ARIH1: variants seen among roughly 807,000 people sequenced by gnomAD.
The protein encoded by ARIH1 is E3 ubiquitin-protein ligase ARIH1.
In ARIH1, 8 loss-of-function variants were observed where a neutral mutation model predicts 85.0. That is an observed-to-expected ratio of 0.09 (90% CI 0.06 to 0.17). ARIH1 has a LOEUF of 0.17. Among genes scored for constraint, ARIH1 ranks in the 10% least tolerant of loss-of-function variants. The pLI is 1.00. For missense variants in ARIH1, 311 were observed against 718.1 expected (o/e 0.43, Z 6.48); for synonymous variants, 238 against 253.6 (o/e 0.94, Z 0.59).
chr15:72,474,741 G>A lies in ARIH1; in HGVS notation c.102G>A (p.Glu34=). Residue 34 remains glutamate, a synonymous_variant, in exon 1 of 14, where the codon GAG becomes GAA. Transcript: ENST00000379887. ...AGGAGGAGGACGAAGACGACGACGA[G>A]CCGGACGATGATACCCTGGATCTGG... The part of the protein sequence containing the change: ...AEEEEDEDDD[E]PDDDTLDLGE... 1 of 1,561,750 alleles carries A rather than the reference G, an allele frequency of 6.4e-7. No individual in the cohort carries two copies. Among genetic ancestry groups the A allele is most frequent in the Non-Finnish European group, 8.7e-7 (1 of 1,155,250 alleles).
chr15:72,519,563 A>C, intron 2 of ARIH1, among the ~76,000 whole-genome samples: 1 of 137,112 alleles, frequency 7.3e-6, no homozygotes. Flanking sequence ...GGCTCACTGC[A>C]ACCTCCACCT....
chr15:72,539,677 T>G (rs960660042), intron 2 of ARIH1, among the ~76,000 whole-genome samples: 5 of 152,130 alleles, frequency 3.3e-5, no homozygotes, highest in Non-Finnish European at 7.4e-5. Flanking sequence ...CCAAATGACA[T>G]TTCAAAAGAG....
intron 1 of ARIH1, among the ~76,000 whole-genome samples, chr15:72,495,214 G>GA (rs1240485538): frequency 6.6e-6 from 1 of 152,210 alleles, no homozygotes; most frequent in African/African-American, 2.4e-5. Flanking sequence ...GTCAGAGGCT[G>GA]AGTGGGGGAA....
rs2064328840 is a variant in ARIH1, at chr15:72,588,829, A to G, written c.*5537A>G. The G allele has an allele frequency of 6.6e-6, 1 of 152,228 alleles. No individual in the cohort carries two copies. Among genetic ancestry groups the G allele is most frequent in the Admixed American group, 6.5e-5 (1 of 15,288 alleles). 9.4% of individuals were successfully genotyped at this position (152,228 alleles called of 1,614,324 possible). A position where few individuals can be genotyped will look rare whatever the true frequency, so the allele number is the denominator to read the frequency against. The stretch of plus-strand genomic sequence containing the variant: ...ATGTTGATTGGCAGTACATTCTCTT[A>G]CCAAGGGGGAGAAATCTATCTAGGG... On this transcript the variant is annotated 3_prime_UTR_variant, in exon 14 of 14. Transcript: ENST00000379887.
At chr15:72,524,046 A>G (rs944050169) in intron 2 of ARIH1, among the ~76,000 whole-genome samples, 6 of 139,852 alleles carry the variant, frequency 4.3e-5, no homozygotes, top group Non-Finnish European at 7.5e-5. Flanking sequence ...TCCCGGGCTC[A>G]CGCCATTCTC....
intron 5 of ARIH1, among the ~76,000 whole-genome samples, chr15:72,557,957 G>A (rs1036166294): frequency 1.3e-5 from 2 of 152,146 alleles, no homozygotes; most frequent in Non-Finnish European, 2.9e-5. Context: ...AGTCTTTAGG[G>A]TTATTTCTAG....
In ARIH1 at chr15:72,592,426, A is replaced by G. The variant is rs746466697; in HGVS notation, c.*9134A>G. The stretch of plus-strand genomic sequence containing the variant: ...CTACTCACCTTTATTTTAAATTGAT[A>G]TATAGAAATTAATATTACAAAATGC... On this transcript the variant is annotated 3_prime_UTR_variant, in exon 14 of 14. Transcript: ENST00000379887. 9.9e-5 allele frequency: 15 copies of G among 152,236 alleles called. No individual in the cohort carries two copies. The highest frequency in any genetic ancestry group is 1.8e-4 in the Non-Finnish European group (12 of 68,038). 9.4% of individuals were successfully genotyped at this position (152,236 alleles called of 1,614,324 possible).
intron 1 of ARIH1, among the ~76,000 whole-genome samples, chr15:72,500,100 CTTT>C (rs35390888): frequency 2.0e-5 from 3 of 147,050 alleles, no homozygotes; most frequent in Non-Finnish European, 1.5e-5. Flanking sequence ...TCATTTCTCT[CTTT>C]TTTTTTTTTG....
intron 1 of ARIH1, among the ~76,000 whole-genome samples, chr15:72,512,390 C>A (rs1033903147): frequency 1.3e-5 from 2 of 151,480 alleles, no homozygotes; most frequent in African/African-American, 4.9e-5. Context: ...AAGAAGTTGG[C>A]CTGTTTTATT....
At chr15:72,574,335 GTTGA>G (rs1196686511) in intron 11 of ARIH1, among the ~76,000 whole-genome samples, 1 of 152,186 alleles carries the variant, frequency 6.6e-6, no homozygotes, top group Non-Finnish European at 1.5e-5. Context: ...TGGTTGTTTG[GTTGA>G]TTGACTAATT....
chr15:72,576,620 T>C (rs1350302544), intron 11 of ARIH1, among the ~76,000 whole-genome samples: 1 of 151,934 alleles, frequency 6.6e-6, no homozygotes, highest in African/African-American at 2.4e-5. Flanking sequence ...TAAAAGTCCA[T>C]TCCCTCTAGA....
rs993650792 is a variant in ARIH1, at chr15:72,521,213, C to G, written c.443+3079C>G. Among the ~76,000 whole-genome samples the G allele has an allele frequency of 7.0e-5, 4 of 57,504 alleles. No homozygotes were observed. In the East Asian group the frequency reaches 2.2e-3, roughly 32 times the overall value. 37.7% of individuals were successfully genotyped at this position (57,504 alleles called of 152,430 possible). ...ATGTATTTAATGCCCCCCCCCCCCC[C>G]TTTTCTGGCTAATTCGCTTTTTGCA... On this transcript the variant is annotated intron_variant, in intron 2 of 13. Coordinates refer to ENST00000379887, the MANE Select transcript of ARIH1 (RefSeq NM_005744.5).
At chr15:72,516,650 G>C (rs1326423514) in intron 1 of ARIH1, among the ~76,000 whole-genome samples, 1 of 152,194 alleles carries the variant, frequency 6.6e-6, no homozygotes, top group Non-Finnish European at 1.5e-5. Context: ...TTAGCAAAAT[G>C]TACTAAGGTG....
intron 1 of ARIH1, among the ~76,000 whole-genome samples, chr15:72,497,463 A>G (rs1399359844): frequency 6.6e-6 from 1 of 152,182 alleles, no homozygotes; most frequent in Non-Finnish European, 1.5e-5. Context: ...CTGGCTTAAA[A>G]AAAAAACAGG....
intron 3 of ARIH1, among the ~76,000 whole-genome samples, chr15:72,549,821 T>C (rs2064145791): frequency 6.6e-6 from 1 of 152,252 alleles, no homozygotes; most frequent in Non-Finnish European, 1.5e-5. Context: ...GTAGATAATA[T>C]TTCATGTATT....
chr15:72,504,993 T>G (rs1475778201), intron 1 of ARIH1, among the ~76,000 whole-genome samples: 1 of 152,204 alleles, frequency 6.6e-6, no homozygotes, highest in East Asian at 1.9e-4. Flanking sequence ...TTAGAAGGCA[T>G]TAAGTATTTA....
At chr15:72,521,768 C>T (rs2064001374) in intron 2 of ARIH1, among the ~76,000 whole-genome samples, 1 of 152,100 alleles carries the variant, frequency 6.6e-6, no homozygotes. Flanking sequence ...AGGCTGGTCT[C>T]AAACTCCTGA....
chr15:72,547,378 G>A (rs1205844762), intron 3 of ARIH1, among the ~76,000 whole-genome samples: 1 of 151,386 alleles, frequency 6.6e-6, no homozygotes, highest in African/African-American at 2.4e-5. Context: ...GACTACAAGC[G>A]CCGGCCACCA....
At chr15:72,575,101 A>G (rs1282942593) in intron 11 of ARIH1, among the ~76,000 whole-genome samples, 1 of 152,040 alleles carries the variant, frequency 6.6e-6, no homozygotes, top group Non-Finnish European at 1.5e-5. Flanking sequence ...CTCAGAACAA[A>G]AAAACAACAA....
Sources: allele counts gnomAD v4.1 joint callset (sites outside exome capture counted in the v4.1 genomes callset), GRCh38; gene constraint gnomAD v4.1.1; transcripts MANE v1.5; gene names NCBI Gene and HGNC (gene_info 2026-07-23, HGNC 2026-07-21).